Variants in LRRIQ1 observed in about 807,000 individuals in gnomAD.
LRRIQ1 encodes the protein leucine-rich repeat- and IQ domain-containing protein 1.
LRRIQ1 carries 210 observed loss-of-function variants against 211.9 expected under a neutral mutation model. The ratio of observed to expected loss-of-function variants is 0.99; its 90% confidence interval spans 0.89 to 1.11. The LOEUF (loss-of-function observed/expected upper bound fraction) is 1.11. LRRIQ1 is among the 50% of genes most tolerant of loss of function. The pLI is 0.00. For missense variants in LRRIQ1, 2,136 were observed against 1,939.5 expected, an observed-to-expected ratio of 1.10 and a Z score of -1.90; for synonymous variants, 699 against 650.1, an observed-to-expected ratio of 1.08 and a Z score of -1.14.
Position 85,057,157 on chromosome 12 carries a change from A to G in LRRIQ1, c.2364A>G (p.Arg788=). The G allele has an allele frequency of 1.3e-6, 2 of 1,556,996 alleles. No homozygotes were observed. The highest frequency in any genetic ancestry group is 2.5e-5 in the South Asian group (2 of 80,424). ...CTTTGGATAAACTGGAAATTCTTCG[A>G]TGTGGCCCTTGGGATACTTTACAGC... is the stretch of plus-strand genomic sequence containing the variant. ...TPALDKLEIL[R]CGPWDTLQQV... The change falls in exon 8 of 27, where the codon CGA becomes CGG. Residue 788 remains arginine, a synonymous_variant. Transcript: ENST00000393217.
At chr12:85,222,555 G>A (rs887618179) in intron 24 of LRRIQ1, among the ~76,000 whole-genome samples, 1 of 152,158 alleles carries the variant, frequency 6.6e-6, no homozygotes, top group Non-Finnish European at 1.5e-5. Context: ...GATGTGCACA[G>A]TTCCAGTGAA....
intron 24 of LRRIQ1, among the ~76,000 whole-genome samples, chr12:85,215,605 TTTTCTG>T (rs1894041978): frequency 6.6e-6 from 1 of 152,050 alleles, no homozygotes; most frequent in Non-Finnish European, 1.5e-5. Flanking sequence ...CATTATCGGG[TTTTCTG>T]TTTCTATGTT....
chr12:85,272,737 AATT>A, the LRRIQ1 span, among the ~76,000 whole-genome samples: 2 of 152,140 alleles, frequency 1.3e-5, no homozygotes, highest in African/African-American at 2.4e-5. Flanking sequence ...GAAAGTGTTT[AATT>A]TTTTTAGGAT....
intron 1 of LRRIQ1, among the ~76,000 whole-genome samples, chr12:85,260,131 A>T (rs1305249626): frequency 7.5e-6 from 1 of 132,628 alleles, no homozygotes; most frequent in African/African-American, 3.0e-5. Flanking sequence ...ATGTTGGTTA[A>T]AAAAAAAAAA....
At chr12:85,182,551 A>T (rs1285094604) in intron 24 of LRRIQ1, among the ~76,000 whole-genome samples, 3 of 152,118 alleles carry the variant, frequency 2.0e-5, no homozygotes, top group Non-Finnish European at 4.4e-5. Flanking sequence ...TTGAGATGTG[A>T]TGAAATGCTT....
intron 24 of LRRIQ1, among the ~76,000 whole-genome samples, chr12:85,180,479 A>T (rs1007160498): frequency 5.3e-5 from 8 of 151,688 alleles, no homozygotes; most frequent in South Asian, 2.1e-4. Flanking sequence ...TATTTTAATT[A>T]AAAAAAATGA....
exon 2 of LRRIQ1, chr12:85,263,476 A>T (rs1430909150): frequency 6.6e-6 from 1 of 152,058 alleles, no homozygotes; most frequent in Non-Finnish European, 1.5e-5. Flanking sequence ...TTATTAGATT[A>T]TCGTACTTGA....
At chr12:85,147,789 C>A (rs1006976258) in intron 19 of LRRIQ1, among the ~76,000 whole-genome samples, 1 of 151,256 alleles carries the variant, frequency 6.6e-6, no homozygotes, top group African/African-American at 2.4e-5. Context: ...CAAGTGAAAC[C>A]TTTTGGGACC....
intron 14 of LRRIQ1, among the ~76,000 whole-genome samples, chr12:85,105,985 G>A (rs1228379795): frequency 6.6e-6 from 1 of 151,660 alleles, no homozygotes; most frequent in African/African-American, 2.4e-5. Flanking sequence ...TAGTAGAGAT[G>A]GGATTTCTCC....
intron 24 of LRRIQ1, among the ~76,000 whole-genome samples, chr12:85,179,534 G>A (rs1388170499): frequency 2.6e-5 from 4 of 151,952 alleles, no homozygotes; most frequent in Non-Finnish European, 5.9e-5. Context: ...GGAACAATAA[G>A]TGAAGGGCAT....
At chr12:85,057,694 T>C (rs1000279369) in intron 8 of LRRIQ1, among the ~76,000 whole-genome samples, 1 of 152,068 alleles carries the variant, frequency 6.6e-6, no homozygotes, top group African/African-American at 2.4e-5. Flanking sequence ...TATTTAAAGG[T>C]GGTGCATATA....
intron 6 of LRRIQ1, among the ~76,000 whole-genome samples, chr12:85,051,039 C>G (rs1003928318): frequency 7.2e-5 from 11 of 152,112 alleles, no homozygotes; most frequent in Non-Finnish European, 1.3e-4. Flanking sequence ...GAGGTGGGGC[C>G]TAGTGGGAAG....
chr12:85,266,315 A>G (rs549990274), downstream of LRRIQ1, among the ~76,000 whole-genome samples: 6 of 152,250 alleles, frequency 3.9e-5, no homozygotes, highest in East Asian at 7.7e-4. Context: ...CTGTTGGATC[A>G]TAAATCCAGT....
chr12:85,065,172 A>T, intron 8 of LRRIQ1, 90 bp from the exon 9 acceptor site: 5 of 1,106,068 alleles, frequency 4.5e-6, no homozygotes, highest in Non-Finnish European at 6.2e-6. Context: ...TTCTTAAATG[A>T]ATTTTCTAAA....
At chr12:85,255,044 A>G (rs1896050059) in intron 1 of LRRIQ1, among the ~76,000 whole-genome samples, 1 of 151,846 alleles carries the variant, frequency 6.6e-6, no homozygotes, top group Admixed American at 6.6e-5. Flanking sequence ...TTATGAATTG[A>G]AAGTAGTATT....
chr12:85,056,314 TAAC>T lies in LRRIQ1; in HGVS notation c.1524_1526del (p.Asn508del). On this transcript the variant is annotated inframe_deletion, in exon 8 of 27. Coordinates refer to ENST00000393217, the MANE Select transcript of LRRIQ1 (RefSeq NM_001079910.2). The stretch of plus-strand genomic sequence containing the variant: ...AAGAAAGAAAATATGAAAATACAGA[TAAC>T]AAAACTGAATTGGGAAACTCTGATC... 6.3e-7 allele frequency: 1 copy of T among 1,595,260 alleles called. No homozygotes were observed. Among genetic ancestry groups the T allele is most frequent in the South Asian group, 1.2e-5 (1 of 85,462 alleles).
chr12:85,186,183 AAGTTAT>A (rs900151355), intron 24 of LRRIQ1, among the ~76,000 whole-genome samples: 4 of 152,186 alleles, frequency 2.6e-5, no homozygotes, highest in African/African-American at 9.7e-5. Flanking sequence ...GTTCAAAAGA[AAGTTAT>A]AGTTATAAGA....
At chr12:85,062,031 T>C (rs1881868648) in intron 8 of LRRIQ1, among the ~76,000 whole-genome samples, 2 of 151,804 alleles carry the variant, frequency 1.3e-5, no homozygotes, top group Non-Finnish European at 2.9e-5. Flanking sequence ...TTTAAAACTT[T>C]TAGTTCAATT....
intron 18 of LRRIQ1, among the ~76,000 whole-genome samples, chr12:85,136,257 A>G (rs1243676441): frequency 6.6e-6 from 1 of 151,978 alleles, no homozygotes; most frequent in Non-Finnish European, 1.5e-5. Flanking sequence ...TACTCAGAGT[A>G]TATGCTAATG....
Sources: allele counts gnomAD v4.1 joint callset (sites outside exome capture counted in the v4.1 genomes callset), GRCh38; gene constraint gnomAD v4.1.1; transcripts MANE v1.5; gene names NCBI Gene and HGNC (gene_info 2026-07-23, HGNC 2026-07-21).